Variants in NCAPD3 observed in about 807,000 individuals in gnomAD.
NCAPD3 encodes non-SMC condensin II complex subunit D3, also known as condensin-2 complex subunit D3.
NCAPD3 carries 105 observed loss-of-function variants against 182.9 expected under a neutral mutation model. That is an observed-to-expected ratio of 0.57 (90% CI 0.49 to 0.68). NCAPD3 has a LOEUF of 0.68. Ranked by LOEUF, NCAPD3 falls within the 30% of genes least tolerant of loss-of-function variation. NCAPD3 has a pLI of 0.00. For synonymous variants in NCAPD3, 815 were observed against 679.9 expected, an observed-to-expected ratio of 1.20 and a Z score of -3.09; for missense variants, 1,944 against 1,837.0, an observed-to-expected ratio of 1.06 and a Z score of -1.07.
chr11:134,167,598 ACT>A (rs1226836708), intron 27 of NCAPD3, among the ~76,000 whole-genome samples: 19 of 105,020 alleles, frequency 1.8e-4, no homozygotes, highest in Non-Finnish European at 2.4e-4. Context: ...GGAGGGGCAC[ACT>A]CACTAGTGAG....
Position 134,204,360 on chromosome 11 carries a change from C to T in NCAPD3, c.1090-189G>A, listed in dbSNP as rs562347126. ...AATCTAAAGGAAATCTATAAACCAT[C>T]TCTCCAGAAAAATGCACATACAAAT... is the stretch of plus-strand genomic sequence containing the variant. On this transcript the variant is annotated intron_variant, in intron 9 of 34. Transcript: ENST00000534548. The surrounding 1 kb of genome is among the most constrained non-coding windows in gnomAD (Gnocchi z 4.3). Among the ~76,000 whole-genome samples the T allele has an allele frequency of 2.6e-5, 4 of 152,316 alleles. No individual in the cohort carries two copies. The South Asian group carries it at 6.2e-4, about 24-fold the overall frequency.
Position 134,194,754 on chromosome 11 carries a change from C to A in NCAPD3, c.1616-16G>T. The A allele has an allele frequency of 6.4e-7, 1 of 1,573,210 alleles. No homozygotes were observed. Among genetic ancestry groups the A allele is most frequent in the Non-Finnish European group, 8.7e-7 (1 of 1,154,514 alleles). On this transcript the variant is annotated splice_polypyrimidine_tract_variant and intron_variant, in intron 13 of 34. Transcript: ENST00000534548. The stretch of plus-strand genomic sequence containing the variant: ...ACACATCTTTCTGTAGAGGGAATAC[C>A]AAAGGGTCATCACAGCTGGAGAAAA...
chr11:134,212,894 T>C (rs79030384), intron 3 of NCAPD3, among the ~76,000 whole-genome samples: 5,498 of 151,206 alleles, frequency 0.036, 340 homozygotes, highest in African/African-American at 0.12. Flanking sequence ...GAGGAAAAAA[T>C]TGAGCAAAAA....
rs1201100285 is a variant in NCAPD3 at position 134,167,979 on chromosome 11, G to A, written c.3573+17C>T. On this transcript the variant is annotated intron_variant, in intron 27 of 34. Coordinates refer to ENST00000534548, the MANE Select transcript of NCAPD3 (RefSeq NM_015261.3). ...CTCACTTGTGAGAAGATGATCTTAGGGGAGCAACACACTCACTTGTGAGAT... is the reference window on the plus strand; with the variant it reads ...CTCACTTGTGAGAAGATGATCTTAGAGGAGCAACACACTCACTTGTGAGAT... 6.2e-7 allele frequency: 1 copy of A among 1,611,462 alleles called. No individual in the cohort carries two copies. Among genetic ancestry groups the A allele is most frequent in the African/African-American group, 1.3e-5 (1 of 74,870 alleles).
At chr11:134,184,098 TA>T (rs1944349744) in intron 19 of NCAPD3, among the ~76,000 whole-genome samples, 1 of 152,228 alleles carries the variant, frequency 6.6e-6, no homozygotes, top group African/African-American at 2.4e-5. Context: ...CTGCCTCCCA[TA>T]AATCACTGAT....
At chr11:134,205,652 C>T (rs1238024233) in intron 8 of NCAPD3, among the ~76,000 whole-genome samples, 1 of 152,204 alleles carries the variant, frequency 6.6e-6, no homozygotes, top group African/African-American at 2.4e-5. Flanking sequence ...GCTGGGATTA[C>T]AGGCATGTGC....
chr11:134,213,806 C>T (rs1273142592), intron 3 of NCAPD3, among the ~76,000 whole-genome samples: 3 of 151,882 alleles, frequency 2.0e-5, no homozygotes, highest in Non-Finnish European at 4.4e-5. Flanking sequence ...AAGTAGACTT[C>T]AAGACAAGGA....
intron 27 of NCAPD3, among the ~76,000 whole-genome samples, chr11:134,162,339 C>G (rs928739099): frequency 6.6e-6 from 1 of 152,174 alleles, no homozygotes; most frequent in Non-Finnish European, 1.5e-5. Flanking sequence ...CTAAAAATGG[C>G]TAAGCATGAA....
intron 27 of NCAPD3, among the ~76,000 whole-genome samples, chr11:134,162,906 G>C (rs1943628522): frequency 6.6e-6 from 1 of 152,210 alleles, no homozygotes; most frequent in Admixed American, 6.5e-5. Context: ...TAGGTATGGA[G>C]ATGGGATGCC....
intron 19 of NCAPD3, among the ~76,000 whole-genome samples, chr11:134,182,068 A>C (rs1362977182): frequency 1.3e-5 from 2 of 152,170 alleles, no homozygotes; most frequent in Non-Finnish European, 2.9e-5. Context: ...ATTTTAATAG[A>C]TTGCACAACC....
rs1944383028 is a variant in NCAPD3 at position 134,185,407 on chromosome 11, A to G, written c.2165T>C (p.Leu722Pro). ...TEHSAPAWML[L>P]SKIAGSSPRL... ...GGGTGAGGAGCCAGCAATCTTGGAG[A>G]GCAGCATCCAGGCAGGTGCCGAATG... is the stretch of plus-strand genomic sequence containing the variant. The change falls in exon 17 of 35, where the codon CTC (leucine) becomes CCC (proline). Residue 722 changes from leucine to proline, a missense_variant. Around this residue, in one of 3 missense-constraint regions of NCAPD3, gnomAD observed 1,803 missense variants for 1,674.6 expected, o/e 1.08. Transcript: ENST00000534548. 5 of 1,613,986 alleles carry G rather than the reference A, an allele frequency of 3.1e-6. No homozygotes were observed. The highest frequency in any genetic ancestry group is 4.2e-6 in the Non-Finnish European group (5 of 1,180,004).
intron 3 of NCAPD3, among the ~76,000 whole-genome samples, chr11:134,213,315 C>G (rs1309395019): frequency 6.6e-6 from 1 of 151,716 alleles, no homozygotes; most frequent in Admixed American, 6.6e-5. Flanking sequence ...CAGACTGAGA[C>G]CCTGGACCTC....
chr11:134,222,249 C>A (rs753641568), intron 1 of NCAPD3, among the ~76,000 whole-genome samples: 1 of 152,226 alleles, frequency 6.6e-6, no homozygotes, highest in Non-Finnish European at 1.5e-5. Flanking sequence ...TGCTACTTCA[C>A]TTAGGATGGA....
At chr11:134,179,163 AC>A (rs1356017148) in intron 20 of NCAPD3, among the ~76,000 whole-genome samples, 1 of 152,212 alleles carries the variant, frequency 6.6e-6, no homozygotes, top group Non-Finnish European at 1.5e-5. Context: ...AAATCTAGAC[AC>A]ATCTGCAAGT....
At chr11:134,161,741 G>T in intron 28 of NCAPD3, 40 bp downstream of exon 28, 1 of 1,203,974 alleles carries the variant, frequency 8.3e-7, no homozygotes. Context: ...GTAATGAACT[G>T]GTAGGACAAC....
chr11:134,165,711 A>G (rs1211171524), intron 27 of NCAPD3, among the ~76,000 whole-genome samples: 1 of 141,432 alleles, frequency 7.1e-6, no homozygotes, highest in African/African-American at 2.7e-5. Flanking sequence ...GGAGGCGCAC[A>G]CTCGTGAGAT....
In NCAPD3 at chr11:134,190,422, G is replaced by A. The variant is rs888156267; in HGVS notation, c.2045+2267C>T. 3.3e-5 allele frequency among the ~76,000 whole-genome samples: 5 copies of A among 152,030 alleles called. No individual in the cohort carries two copies. In the East Asian group the frequency reaches 5.8e-4, roughly 18 times the overall value. ...ATTTAGATTTATCTATGTGTTTATC[G>A]ATTTCTTAGCAACTTTTCCTTCTCA... On this transcript the variant is annotated intron_variant, in intron 16 of 34. Transcript: ENST00000534548.
chr11:134,163,009 G>C (rs1943631491), intron 27 of NCAPD3, among the ~76,000 whole-genome samples: 1 of 152,144 alleles, frequency 6.6e-6, no homozygotes, highest in African/African-American at 2.4e-5. Context: ...TAGACCCAGA[G>C]GCAAGAGCAC....
intron 29 of NCAPD3, 91 bp downstream of exon 29, chr11:134,159,801 G>A (rs1262853559): frequency 2.5e-5 from 34 of 1,354,200 alleles, no homozygotes; most frequent in East Asian, 5.0e-5. Flanking sequence ...CTCTGATGAC[G>A]GAGATCTTGA....
Sources: gnomAD v4.1 joint callset for allele counts (sites outside exome capture counted in the v4.1 genomes callset) on GRCh38, gnomAD v4.1.1 for gene constraint, gnomAD v4.1.1 regional missense constraint, Gnocchi (gnomAD v3.1) non-coding constraint, MANE v1.5 for transcripts, NCBI Gene and HGNC (gene_info 2026-07-23, HGNC 2026-07-21) for gene names.